Variants in UNC13C observed in about 807,000 individuals in gnomAD.
UNC13C encodes unc-13 homolog C.
In UNC13C, 174 loss-of-function variants were observed where a neutral mutation model predicts 245.4. The ratio of observed to expected loss-of-function variants is 0.71; its 90% confidence interval spans 0.63 to 0.80. The LOEUF is 0.80. UNC13C is among the 30% of genes least tolerant of loss of function. The pLI is 0.00. For synonymous variants in UNC13C, 992 were observed against 895.1 expected (o/e 1.11, Z -1.93); for missense variants, 2,829 against 2,602.9 (o/e 1.09, Z -1.89).
At chr15:54,060,286 C>T (rs866814988) in intron 2 of UNC13C, among the ~76,000 whole-genome samples, 5 of 152,114 alleles carry the variant, frequency 3.3e-5, no homozygotes, top group African/African-American at 7.2e-5. Context: ...AAACAAACAA[C>T]CCCATCAAAA....
chr15:54,521,275 C>T (rs1304601141), intron 24 of UNC13C, among the ~76,000 whole-genome samples: 1 of 152,104 alleles, frequency 6.6e-6, no homozygotes, highest in Non-Finnish European at 1.5e-5. Context: ...CTGATTTGCA[C>T]TTCTTTACAG....
intron 14 of UNC13C, among the ~76,000 whole-genome samples, chr15:54,330,612 C>T (rs1163601090): frequency 6.6e-6 from 1 of 151,976 alleles, no homozygotes; most frequent in Non-Finnish European, 1.5e-5. Context: ...CTTTGATAAT[C>T]GTCTAAATGA....
the UNC13C span, among the ~76,000 whole-genome samples, chr15:53,845,889 G>C: frequency 1.3e-5 from 2 of 152,002 alleles, no homozygotes; most frequent in African/African-American, 4.8e-5. Context: ...ACAGTTCCCC[G>C]CTTAGGATGG....
At chr15:54,373,420 G>A (rs1450072367) in intron 17 of UNC13C, among the ~76,000 whole-genome samples, 3 of 152,158 alleles carry the variant, frequency 2.0e-5, no homozygotes, top group African/African-American at 7.2e-5. Context: ...AACCAGGCAT[G>A]AAGCAGTGAG....
intron 4 of UNC13C, among the ~76,000 whole-genome samples, chr15:54,191,891 G>C (rs1175995449): frequency 6.6e-6 from 1 of 151,862 alleles, no homozygotes; most frequent in Non-Finnish European, 1.5e-5. Context: ...CCCTCTTTTT[G>C]TTGGGGTTAT....
chr15:53,896,550 G>A, the UNC13C span, among the ~76,000 whole-genome samples: 1 of 152,076 alleles, frequency 6.6e-6, no homozygotes, highest in African/African-American at 2.4e-5. Context: ...ATGGGATGGT[G>A]AAGTGGATAT....
intron 2 of UNC13C, among the ~76,000 whole-genome samples, chr15:54,027,482 G>T (rs1037973229): frequency 1.3e-5 from 2 of 152,166 alleles, no homozygotes; most frequent in African/African-American, 4.8e-5. Context: ...TGATTTTCCT[G>T]CCTCAGCTTC....
At chr15:53,853,622 G>T in the UNC13C span, among the ~76,000 whole-genome samples, 2 of 152,156 alleles carry the variant, frequency 1.3e-5, no homozygotes, top group African/African-American at 4.8e-5. Context: ...GGTTGCAAAA[G>T]CATTCCTTTT....
intron 19 of UNC13C, among the ~76,000 whole-genome samples, chr15:54,494,134 G>A (rs377604322): frequency 1.6e-4 from 24 of 152,100 alleles, no homozygotes; most frequent in African/African-American, 4.8e-4. Context: ...TATAGCTCCT[G>A]ACTCATGTTT....
intron 18 of UNC13C, among the ~76,000 whole-genome samples, chr15:54,407,592 C>G (rs2040323228): frequency 6.6e-6 from 1 of 152,054 alleles, no homozygotes; most frequent in South Asian, 2.1e-4. Context: ...CATGGGATAT[C>G]TATTATCTCT....
intron 2 of UNC13C, among the ~76,000 whole-genome samples, chr15:54,104,407 C>A (rs576467494): frequency 6.6e-5 from 10 of 151,742 alleles, no homozygotes; most frequent in Non-Finnish European, 1.3e-4. Flanking sequence ...GATTTTTTTC[C>A]CCCTGGCCAC....
chr15:53,847,365 T>G, the UNC13C span, among the ~76,000 whole-genome samples: 60 of 152,036 alleles, frequency 3.9e-4, no homozygotes, highest in Non-Finnish European at 6.3e-4. Flanking sequence ...CTATTTTTTT[T>G]TTTTTTCTGA....
intron 18 of UNC13C, among the ~76,000 whole-genome samples, chr15:54,407,221 G>T (rs2040312448): frequency 6.6e-6 from 1 of 152,020 alleles, no homozygotes; most frequent in African/African-American, 2.4e-5. Context: ...TAGAGGCAAA[G>T]GCATAAACTA....
At chr15:54,427,502 C>T (rs1361599198) in intron 19 of UNC13C, among the ~76,000 whole-genome samples, 3 of 151,774 alleles carry the variant, frequency 2.0e-5, no homozygotes, top group Admixed American at 6.6e-5. Flanking sequence ...CAGGCTAAAA[C>T]AGTATATTAT....
chr15:53,898,929 A>G, the UNC13C span, among the ~76,000 whole-genome samples: 1 of 152,108 alleles, frequency 6.6e-6, no homozygotes, highest in South Asian at 2.1e-4. Flanking sequence ...GTCCACTTTG[A>G]CCAACACTTC....
chr15:54,136,953 C>T (rs2141225684), intron 2 of UNC13C, among the ~76,000 whole-genome samples: 1 of 152,146 alleles, frequency 6.6e-6, no homozygotes, highest in East Asian at 1.9e-4. Context: ...CCTCCCATCT[C>T]AGCCTCCCCA....
intron 1 of UNC13C, among the ~76,000 whole-genome samples, chr15:53,982,867 T>C (rs971225391): frequency 6.6e-6 from 1 of 152,184 alleles, no homozygotes; most frequent in African/African-American, 2.4e-5. Context: ...GCAGACTCTG[T>C]AGGCTTGACT....
intron 2 of UNC13C, among the ~76,000 whole-genome samples, chr15:54,077,294 G>T (rs917808144): frequency 2.7e-5 from 4 of 149,578 alleles, no homozygotes; most frequent in East Asian, 2.0e-4. Context: ...TTTCTTATTT[G>T]CAAATTGTAT....
intron 2 of UNC13C, among the ~76,000 whole-genome samples, chr15:54,129,469 A>G (rs1447092410): frequency 2.0e-5 from 3 of 152,134 alleles, no homozygotes; most frequent in East Asian, 1.9e-4. Context: ...CATTTTATAA[A>G]TATTTGTTAA....
Sources: allele counts gnomAD v4.1 joint callset (sites outside exome capture counted in the v4.1 genomes callset), GRCh38; gene constraint gnomAD v4.1.1; transcripts MANE v1.5; gene names NCBI Gene and HGNC (gene_info 2026-07-23, HGNC 2026-07-21).